The following NEBL variants were observed in gnomAD, a reference collection of about 807,000 sequenced individuals.
NEBL encodes the protein LIM and SH3 protein 2.
In NEBL, 122 loss-of-function variants were observed where a neutral mutation model predicts 140.2. That is an observed-to-expected ratio of 0.87 (90% confidence interval 0.75 to 1.01). The LOEUF is 1.01. Among genes scored for constraint, NEBL ranks in the 50% least tolerant of loss-of-function variants. The pLI is 0.00. For missense variants in NEBL, 1,365 were observed against 1,231.3 expected, an observed-to-expected ratio of 1.11 and a Z score of -1.62; for synonymous variants, 436 against 398.9, an observed-to-expected ratio of 1.09 and a Z score of -1.11.
At chr10:20,789,744 T>C (rs1835758174) in intron 26 of NEBL, among the ~76,000 whole-genome samples, 1 of 151,898 alleles carries the variant, frequency 6.6e-6, no homozygotes, top group Non-Finnish European at 1.5e-5. Context: ...TCCCACCTAC[T>C]TGGAAGGCTG....
intron 3 of NEBL, among the ~76,000 whole-genome samples, chr10:20,967,355 T>C (rs912906054): frequency 6.6e-6 from 1 of 152,132 alleles, no homozygotes; most frequent in East Asian, 1.9e-4. Context: ...GGGCTGGGCA[T>C]GGTGGCTCAC....
chr10:21,166,009 A>T (rs1408910011), intron 2 of NEBL, among the ~76,000 whole-genome samples: 2 of 152,130 alleles, frequency 1.3e-5, no homozygotes, highest in Non-Finnish European at 2.9e-5. Flanking sequence ...TCACGAGGTC[A>T]GGAGATCGAG....
intron 2 of NEBL, among the ~76,000 whole-genome samples, chr10:21,032,272 A>G (rs532409930): frequency 5.2e-4 from 79 of 152,336 alleles, no homozygotes; most frequent in African/African-American, 1.8e-3. Flanking sequence ...ATTGGGGTCA[A>G]TCTGGGCATT....
chr10:21,183,941 T>C (rs1841424879), intron 3 of NEBL, among the ~76,000 whole-genome samples: 1 of 152,208 alleles, frequency 6.6e-6, no homozygotes, highest in Non-Finnish European at 1.5e-5. Flanking sequence ...GCACAAGCTC[T>C]CTTCTCTTTT....
chr10:21,259,954 C>A (rs565260332), intron 1 of NEBL, among the ~76,000 whole-genome samples: 1 of 152,238 alleles, frequency 6.6e-6, no homozygotes, highest in African/African-American at 2.4e-5. Flanking sequence ...AAGAGAGAAG[C>A]CAACCTTGGA....
chr10:21,095,864 C>A (rs114404725), intron 2 of NEBL, among the ~76,000 whole-genome samples: 1 of 152,118 alleles, frequency 6.6e-6, no homozygotes, highest in Non-Finnish European at 1.5e-5. Context: ...CAAAAGATGA[C>A]GGAACTAGAA....
intron 3 of NEBL, among the ~76,000 whole-genome samples, chr10:21,237,507 A>G (rs1227917284): frequency 6.6e-6 from 1 of 152,052 alleles, no homozygotes; most frequent in African/African-American, 2.4e-5. Flanking sequence ...GCCCTGCCTA[A>G]TATGACATCT....
At chr10:21,218,984 C>T (rs907507804) in intron 3 of NEBL, among the ~76,000 whole-genome samples, 8 of 152,192 alleles carry the variant, frequency 5.3e-5, no homozygotes, top group African/African-American at 1.9e-4. Flanking sequence ...ACCTTATGCC[C>T]TGCTTTTAGG....
At chr10:21,174,042 G>C (rs1441132412) in exon 1 of NEBL, 1 of 1,130,368 alleles carries the variant, frequency 8.8e-7, no homozygotes, top group Non-Finnish European at 1.1e-6. Flanking sequence ...TCTCGGGCTC[G>C]CAGGCGCTGG....
At chr10:20,906,979 G>C (rs1182290242) in intron 4 of NEBL, among the ~76,000 whole-genome samples, 1 of 151,984 alleles carries the variant, frequency 6.6e-6, no homozygotes, top group Non-Finnish European at 1.5e-5. Context: ...CTGTGTATTT[G>C]AACTTCACAG....
chr10:21,095,190 C>G (rs998595846), intron 2 of NEBL, among the ~76,000 whole-genome samples: 6 of 152,196 alleles, frequency 3.9e-5, no homozygotes, highest in African/African-American at 1.2e-4. Flanking sequence ...CATAAGTCCA[C>G]TAAGATTTCA....
At chr10:21,141,715 C>T (rs1429862929) in intron 2 of NEBL, among the ~76,000 whole-genome samples, 1 of 152,150 alleles carries the variant, frequency 6.6e-6, no homozygotes, top group African/African-American at 2.4e-5. Context: ...GGAAAATTCC[C>T]ATTCTTAATA....
At chr10:20,888,309 T>A (rs1332372946) in intron 3 of NEBL, 102 bp from the exon 4 acceptor site, 6 of 756,224 alleles carry the variant, frequency 7.9e-6, no homozygotes, top group Non-Finnish European at 1.3e-5. Flanking sequence ...AAAACAGAAT[T>A]GATTTTAAAA....
At chr10:21,051,960 C>T (rs148874609) in intron 2 of NEBL, among the ~76,000 whole-genome samples, 130 of 152,022 alleles carry the variant, frequency 8.6e-4, no homozygotes, top group African/African-American at 3.1e-3. Context: ...TCACTGGAGC[C>T]CAGGAGTTTG....
chr10:20,819,751 G>A (rs1359530769), intron 19 of NEBL, among the ~76,000 whole-genome samples: 1 of 151,988 alleles, frequency 6.6e-6, no homozygotes, highest in Non-Finnish European at 1.5e-5. Context: ...TTGAGACAAG[G>A]TCTTGCTCCG....
chr10:21,150,705 T>TGCACACCTTCTGTACAAAAG (rs1301351992), intron 2 of NEBL, among the ~76,000 whole-genome samples: 1 of 152,242 alleles, frequency 6.6e-6, no homozygotes, highest in Non-Finnish European at 1.5e-5. Context: ...AATCATTCTT[T>TGCACACCTTCTGTACAAAAG]GCACACCTTC....
Position 20,817,614 on chromosome 10 carries a change from T to C in NEBL, c.2134A>G (p.Lys712Glu), listed in dbSNP as rs1588677963. ...GATGATCACACATTGCTGATGTTTT[T>C]CTGGTTTTCTTTTGCCCTCTTCAGC... is the stretch of plus-strand genomic sequence containing the variant. ...PELKRAKENQ[K>E]NISNVYYRGQ... Residue 712 changes from lysine (K) to glutamate (E), a missense_variant, in exon 21 of 28, where the codon AAA becomes GAA. Coordinates refer to ENST00000377122, the MANE Select transcript of NEBL (RefSeq NM_006393.3). 2 of 1,612,708 alleles carry C rather than the reference T, an allele frequency of 1.2e-6. No homozygotes were observed. The highest frequency in any genetic ancestry group is 2.7e-5 in the African/African-American group (2 of 75,046).
chr10:21,052,507 G>C (rs1834821635), intron 2 of NEBL, among the ~76,000 whole-genome samples: 1 of 152,174 alleles, frequency 6.6e-6, no homozygotes, highest in Admixed American at 6.5e-5. Context: ...ACAGTTCAAA[G>C]TCAGTGGAAC....
chr10:20,913,003 C>A (rs1848394906), intron 4 of NEBL, among the ~76,000 whole-genome samples: 1 of 151,256 alleles, frequency 6.6e-6, no homozygotes, highest in Non-Finnish European at 1.5e-5. Context: ...CTCAAATGAT[C>A]CTCCTGTCTC....
Sources: gnomAD v4.1 joint callset for allele counts (sites outside exome capture counted in the v4.1 genomes callset) on GRCh38, gnomAD v4.1.1 for gene constraint, MANE v1.5 for transcripts, NCBI Gene and HGNC (gene_info 2026-07-23, HGNC 2026-07-21) for gene names.